TRDN: variants seen among roughly 807,000 people sequenced by gnomAD.
TRDN encodes triadin in skeletal muscle.
Under a neutral mutation model 149.7 loss-of-function variants are expected in TRDN, and 161 were observed. The ratio of observed to expected loss-of-function variants is 1.08; its 90% CI spans 0.95 to 1.23. The LOEUF (loss-of-function observed/expected upper bound fraction) is 1.23. Ranked by LOEUF, TRDN falls within the 50% of genes most tolerant of loss-of-function variation. TRDN has a pLI of 0.00. For synonymous variants in TRDN, 294 were observed against 250.5 expected, an observed-to-expected ratio of 1.17 and a Z score of -1.64; for missense variants, 896 against 823.5, an observed-to-expected ratio of 1.09 and a Z score of -1.08.
intron 24 of TRDN, among the ~76,000 whole-genome samples, chr6:123,285,189 A>C (rs1777755974): frequency 6.6e-6 from 1 of 152,042 alleles, no homozygotes; most frequent in African/African-American, 2.4e-5. Flanking sequence ...TAGAAAAAAA[A>C]ATCCTAGAAT....
chr6:123,346,510 A>C (rs1012491403), intron 21 of TRDN, among the ~76,000 whole-genome samples: 2 of 152,010 alleles, frequency 1.3e-5, no homozygotes, highest in Non-Finnish European at 2.9e-5. Flanking sequence ...TTGAGGTCCA[A>C]GACTCTCAAA....
intron 12 of TRDN, among the ~76,000 whole-genome samples, chr6:123,421,305 A>G (rs1773887947): frequency 6.6e-6 from 1 of 151,938 alleles, no homozygotes; most frequent in South Asian, 2.1e-4. Context: ...TCTAACTACT[A>G]TTTCTCTTGG....
intron 6 of TRDN, 72 bp downstream of exon 6, chr6:123,516,069 C>T (rs141614347): frequency 7.6e-7 from 1 of 1,308,430 alleles, no homozygotes; most frequent in Non-Finnish European, 9.9e-7. Flanking sequence ...CATCTAAAAT[C>T]TGAATGTAAA....
chr6:123,238,901 C>A (rs532064815), intron 38 of TRDN, among the ~76,000 whole-genome samples: 20 of 152,240 alleles, frequency 1.3e-4, no homozygotes, highest in Non-Finnish European at 2.2e-4. Flanking sequence ...AGTGCAGTGG[C>A]ACAATCTCTG....
chr6:123,474,878 G>A (rs532753286), intron 9 of TRDN, among the ~76,000 whole-genome samples: 23 of 152,080 alleles, frequency 1.5e-4, no homozygotes, highest in South Asian at 2.1e-4. Flanking sequence ...TGAAACCAAC[G>A]AGAACAAAGA....
At chr6:123,310,012 G>T (rs1421525312) in intron 24 of TRDN, among the ~76,000 whole-genome samples, 1 of 152,170 alleles carries the variant, frequency 6.6e-6, no homozygotes, top group South Asian at 2.1e-4. Flanking sequence ...TGGTACTACT[G>T]TAGTGATTTT....
chr6:123,367,558 C>A (rs139906686), intron 19 of TRDN, among the ~76,000 whole-genome samples: 17 of 152,280 alleles, frequency 1.1e-4, no homozygotes, highest in African/African-American at 3.6e-4. Flanking sequence ...AAGTGACATA[C>A]ATAACCTCTT....
intron 21 of TRDN, among the ~76,000 whole-genome samples, chr6:123,349,023 G>C (rs1383480792): frequency 3.9e-5 from 6 of 152,058 alleles, no homozygotes; most frequent in African/African-American, 1.4e-4. Flanking sequence ...TTAACAATAT[G>C]AACTTCCATT....
chr6:123,376,808 CA>C (rs1157997324), intron 18 of TRDN, among the ~76,000 whole-genome samples: 3 of 151,860 alleles, frequency 2.0e-5, no homozygotes, highest in Non-Finnish European at 4.4e-5. Context: ...TAAGATTGAG[CA>C]GATGCTATTT....
At chr6:123,359,976 T>C (rs900720531) in intron 20 of TRDN, among the ~76,000 whole-genome samples, 2 of 152,166 alleles carry the variant, frequency 1.3e-5, no homozygotes, top group Non-Finnish European at 2.9e-5. Flanking sequence ...ATTACAGGCA[T>C]GAGCCACTGC....
At chr6:123,446,606 A>AAC (rs1775388690) in intron 10 of TRDN, among the ~76,000 whole-genome samples, 3 of 146,020 alleles carry the variant, frequency 2.1e-5, no homozygotes, top group African/African-American at 7.7e-5. Flanking sequence ...AAAAAAAAAA[A>AAC]AAAGAAGAGC....
chr6:123,240,530 A>T (rs1455041094), intron 38 of TRDN, among the ~76,000 whole-genome samples: 2 of 151,868 alleles, frequency 1.3e-5, no homozygotes, highest in African/African-American at 2.4e-5. Context: ...TTCACAAACA[A>T]TATTAACAAA....
chr6:123,377,781 T>A, intron 17 of TRDN, 39 bp from the exon 18 acceptor site: 1 of 1,611,814 alleles, frequency 6.2e-7, no homozygotes, highest in African/African-American at 1.3e-5. Context: ...CAGCATTCTA[T>A]GTCATTCAAT....
intron 24 of TRDN, among the ~76,000 whole-genome samples, chr6:123,293,303 CT>C (rs1366278496): frequency 1.3e-5 from 2 of 152,140 alleles, no homozygotes; most frequent in Non-Finnish European, 2.9e-5. Flanking sequence ...CTGAATCCTC[CT>C]GCCACTATTA....
Position 123,612,409 on chromosome 6 carries a change from T to C in TRDN, c.22+24345A>G, listed in dbSNP as rs1784865077. Among the ~76,000 whole-genome samples, 2 of 150,186 alleles carry C rather than the reference T, an allele frequency of 1.3e-5. 1 individual carries two copies. The highest frequency in any genetic ancestry group is 3.0e-5 in the Non-Finnish European group (2 of 67,654). ...ATGTACCCTAAAATTTAAAGTTTAA[T>C]AATAATAAAATTTTAAAAAAAGGAA... On this transcript the variant is annotated intron_variant, in intron 1 of 40. Coordinates refer to ENST00000334268, the MANE Select transcript of TRDN (RefSeq NM_006073.4).
intron 2 of TRDN, among the ~76,000 whole-genome samples, chr6:123,554,040 G>T (rs933706357): frequency 2.0e-5 from 3 of 152,124 alleles, no homozygotes; most frequent in African/African-American, 2.4e-5. Flanking sequence ...AGATCACTTA[G>T]TCACCACGCC....
intron 24 of TRDN, among the ~76,000 whole-genome samples, chr6:123,289,987 T>G (rs1467837637): frequency 6.6e-6 from 1 of 152,158 alleles, no homozygotes; most frequent in Non-Finnish European, 1.5e-5. Flanking sequence ...ATGCAAGCTG[T>G]CTTGCTCAGG....
intron 2 of TRDN, among the ~76,000 whole-genome samples, chr6:123,559,279 G>A (rs1781846836): frequency 6.6e-6 from 1 of 152,098 alleles, no homozygotes; most frequent in African/African-American, 2.4e-5. Flanking sequence ...TGTGGGTATT[G>A]ATGGCCAGGC....
chr6:123,516,153 GT>G lies in TRDN; in HGVS notation c.537del (p.Lys179AsnfsTer44). ...AGTAACTTCATACCTTTCTTTTCAGGTTTTTCTTTTTCTCTTACTTTTTCTT... is the reference window on the plus strand; with the variant it reads ...AGTAACTTCATACCTTTCTTTTCAGGTTTTCTTTTTCTCTTACTTTTTCTT... The part of the protein sequence containing the change: ...KGKEKVREKE[K>X]PEKKATHKEK... On this transcript the variant is annotated frameshift_variant, in exon 6 of 41. Transcript: ENST00000334268. LOFTEE classifies it high-confidence loss of function. The G allele has an allele frequency of 6.7e-7, 1 of 1,490,886 alleles. No individual in the cohort carries two copies. 92.4% of individuals were successfully genotyped at this position (1,490,886 alleles called of 1,614,324 possible).
Sources: gnomAD v4.1 joint callset for allele counts (sites outside exome capture counted in the v4.1 genomes callset) on GRCh38, gnomAD v4.1.1 for gene constraint, MANE v1.5 for transcripts, NCBI Gene and HGNC (gene_info 2026-07-23, HGNC 2026-07-21) for gene names.